Variants in NOTCH2 observed in about 807,000 individuals in gnomAD.
NOTCH2 encodes neurogenic locus notch homolog protein 2.
A neutral mutation model predicts 235.8 loss-of-function variants in NOTCH2; 29 were observed. That is an observed-to-expected ratio of 0.12 (90% CI 0.09 to 0.17). NOTCH2 has a LOEUF of 0.17. NOTCH2 is among the 10% of genes least tolerant of loss of function. The pLI, the probability that NOTCH2 is intolerant of heterozygous loss-of-function variation, is 1.00. For missense variants in NOTCH2, 2,285 were observed against 3,150.2 expected, an observed-to-expected ratio of 0.73 and a Z score of 6.57; for synonymous variants, 1,086 against 1,141.5, an observed-to-expected ratio of 0.95 and a Z score of 0.98.
At chr1:120,039,009 T>C (rs1203809504) in intron 1 of NOTCH2, among the ~76,000 whole-genome samples, 2 of 151,588 alleles carry the variant, frequency 1.3e-5, no homozygotes, top group Admixed American at 6.6e-5. Flanking sequence ...ATAAAAAAAT[T>C]CCAACTGAAT....
At chr1:120,039,655 G>A (rs1215797147) in intron 1 of NOTCH2, among the ~76,000 whole-genome samples, 2 of 149,696 alleles carry the variant, frequency 1.3e-5, no homozygotes, top group Non-Finnish European at 3.0e-5. Flanking sequence ...CGTGATGCTG[G>A]GATTACAGGC....
rs1557870820 is a variant in NOTCH2 at position 120,069,417 on chromosome 1, G to A, written c.-11C>T. On this transcript the variant is annotated 5_prime_UTR_variant, in exon 1 of 34. Coordinates refer to ENST00000256646, the MANE Select transcript of NOTCH2 (RefSeq NM_024408.4). ...GCGCAGGGCGGGCATCTTCTCGGTCGCCTCCTCCTCCGCCGCCGCCGCCGC... is the reference window on the plus strand; with the variant it reads ...GCGCAGGGCGGGCATCTTCTCGGTCACCTCCTCCTCCGCCGCCGCCGCCGC... 6.5e-7 allele frequency: 1 copy of A among 1,540,244 alleles called. No homozygotes were observed. The highest frequency in any genetic ancestry group is 8.7e-7 in the Non-Finnish European group (1 of 1,151,290).
In NOTCH2 at chr1:120,028,615, A is replaced by G. The variant is rs1211346228; in HGVS notation, c.155+1291T>C. 3.5e-5 allele frequency among the ~76,000 whole-genome samples: 5 copies of G among 141,476 alleles called. No individual in the cohort carries two copies. In the South Asian group the frequency reaches 9.7e-4, roughly 27 times the overall value. The allele number at this position is 141,476 out of a possible 152,430, so 92.8% of individuals were successfully genotyped here. A position where few individuals can be genotyped will look rare whatever the true frequency, so the allele number is the denominator to read the frequency against. On this transcript the variant is annotated intron_variant, in intron 2 of 33. Coordinates refer to ENST00000256646, the MANE Select transcript of NOTCH2 (RefSeq NM_024408.4). ...GAAGAAAATTATTTCTGACTTGAAA[A>G]AAAAAATCTTGTTTATAACATTAAA...
intron 19 of NOTCH2, among the ~76,000 whole-genome samples, chr1:119,938,376 T>C (rs1405279108): frequency 2.0e-5 from 3 of 152,216 alleles, no homozygotes; most frequent in African/African-American, 7.2e-5. Flanking sequence ...CCACTTCTGA[T>C]ATTAAACATT....
chr1:119,953,706 T>C lies in NOTCH2; in HGVS notation c.2220-18A>G, dbSNP rs1650574767. 6.2e-7 allele frequency: 1 copy of C among 1,612,304 alleles called. No homozygotes were observed. Among genetic ancestry groups the C allele is most frequent in the Non-Finnish European group, 8.5e-7 (1 of 1,178,504 alleles). ...ACTTATATCTGAAAGAAGACAAAAC[T>C]TTTTACTATAGGAGGTATAAACGTA... On this transcript the variant is annotated intron_variant, in intron 13 of 33. Coordinates refer to ENST00000256646, the MANE Select transcript of NOTCH2 (RefSeq NM_024408.4).
intron 22 of NOTCH2, among the ~76,000 whole-genome samples, chr1:119,934,825 A>C (rs767799050): frequency 7.9e-5 from 12 of 152,296 alleles, no homozygotes; most frequent in African/African-American, 2.6e-4. Context: ...AACAATACTC[A>C]AAGCTCTTTC....
chr1:119,925,424 G>A lies in NOTCH2; in HGVS notation c.4392C>T (p.Ala1464=). 1.2e-6 allele frequency: 2 copies of A among 1,614,194 alleles called. No homozygotes were observed. The highest frequency in any genetic ancestry group is 8.5e-7 in the Non-Finnish European group (1 of 1,180,030). The change falls in exon 25 of 34, where the codon GCC becomes GCT. Residue 1464 remains alanine, a synonymous_variant. Coordinates refer to ENST00000256646, the MANE Select transcript of NOTCH2 (RefSeq NM_024408.4). ...DCSLTMENPW[A]NCSSPLPCWD... is the part of the protein sequence containing the mutation. Reference sequence around the variant, plus strand: ...AGCAGGGAAGTGGGGAGGAGCAGTTGGCCCAGGGGTTCTCCATGGTGAGAG... The same window carrying A: ...AGCAGGGAAGTGGGGAGGAGCAGTTAGCCCAGGGGTTCTCCATGGTGAGAG...
intron 12 of NOTCH2, among the ~76,000 whole-genome samples, chr1:119,955,909 T>C (rs1650678965): frequency 1.3e-5 from 2 of 152,208 alleles, no homozygotes; most frequent in African/African-American, 4.8e-5. Context: ...TCACTTTAAG[T>C]TGTTATTTTA....
At chr1:119,932,166 T>A (rs1190312886) in intron 22 of NOTCH2, among the ~76,000 whole-genome samples, 1 of 152,164 alleles carries the variant, frequency 6.6e-6, no homozygotes, top group Non-Finnish European at 1.5e-5. Context: ...ATCCAGCGAT[T>A]CTATTTCTGA....
At chr1:119,943,757 T>C (rs1229918494) in intron 17 of NOTCH2, among the ~76,000 whole-genome samples, 1 of 152,122 alleles carries the variant, frequency 6.6e-6, no homozygotes, top group Non-Finnish European at 1.5e-5. Flanking sequence ...ATTTCTCATA[T>C]GGTAGAAAAG....
At chr1:119,974,442 C>T (rs587627576) in intron 5 of NOTCH2, among the ~76,000 whole-genome samples, 1 of 152,292 alleles carries the variant, frequency 6.6e-6, no homozygotes, top group South Asian at 2.1e-4. Context: ...TCTCTAATGC[C>T]ACAATGACTC....
At chr1:119,998,632 A>G (rs1251501173) in intron 3 of NOTCH2, among the ~76,000 whole-genome samples, 12 of 152,086 alleles carry the variant, frequency 7.9e-5, no homozygotes, top group Non-Finnish European at 1.8e-4. Flanking sequence ...TTTTGTTGTC[A>G]TTAGTCTAAG....
chr1:119,932,607 A>AT (rs782433616), intron 22 of NOTCH2, among the ~76,000 whole-genome samples: 7 of 148,458 alleles, frequency 4.7e-5, no homozygotes, highest in East Asian at 2.0e-4. Flanking sequence ...AAACAAACAA[A>AT]TATCTATCTA....
At chr1:120,025,084 G>T (rs1197185152) in intron 2 of NOTCH2, among the ~76,000 whole-genome samples, 2 of 151,894 alleles carry the variant, frequency 1.3e-5, no homozygotes, top group African/African-American at 4.8e-5. Flanking sequence ...TGGAAGTCCT[G>T]TGATACTGAG....
At position 119,925,038 on chromosome 1, in the gene NOTCH2, C is replaced by T. The variant is rs372239281; in HGVS notation, c.4511+267G>A. Among the ~76,000 whole-genome samples, 152 of 152,180 alleles carry T rather than the reference C, an allele frequency of 1.0e-3. 1 individual carries two copies. Among genetic ancestry groups the T allele is most frequent in the African/African-American group, 3.4e-3 (143 of 41,522 alleles). ...CTGCTTGAAGTGGGAAACACCACTT[C>T]CAAAAGTTATATCCCCCAGGAGGTC... On this transcript the variant is annotated intron_variant, in intron 25 of 33. Transcript: ENST00000256646.
At chr1:119,977,653 T>A (rs782570214) in intron 5 of NOTCH2, among the ~76,000 whole-genome samples, 6 of 152,186 alleles carry the variant, frequency 3.9e-5, no homozygotes, top group Non-Finnish European at 7.3e-5. Context: ...AGGTTCCAGA[T>A]GATATGTGCT....
intron 12 of NOTCH2, among the ~76,000 whole-genome samples, chr1:119,957,725 A>G (rs1650758086): frequency 6.6e-6 from 1 of 152,084 alleles, no homozygotes; most frequent in African/African-American, 2.4e-5. Context: ...TTTTTAGCCT[A>G]TGTTCTCCCT....
intron 33 of NOTCH2, among the ~76,000 whole-genome samples, chr1:119,917,135 G>C (rs1470877745): frequency 6.6e-6 from 1 of 151,676 alleles, no homozygotes; most frequent in African/African-American, 2.4e-5. Context: ...AAAAACTAAG[G>C]CATGCACAGA....
intron 2 of NOTCH2, among the ~76,000 whole-genome samples, chr1:120,015,038 A>AAC (rs1653379445): frequency 6.6e-6 from 1 of 150,944 alleles, no homozygotes; most frequent in East Asian, 1.9e-4. Context: ...ATTCAAAAAA[A>AAC]AACAACAACA....
Sources: allele counts gnomAD v4.1 joint callset (sites outside exome capture counted in the v4.1 genomes callset), GRCh38; gene constraint gnomAD v4.1.1; transcripts MANE v1.5; gene names NCBI Gene and HGNC (gene_info 2026-07-23, HGNC 2026-07-21).